Variants in KRT26 observed in about 807,000 individuals in gnomAD.
KRT26 encodes keratin, type I cytoskeletal 26.
KRT26 carries 45 observed loss-of-function variants against 46.1 expected under a neutral mutation model. The observed-to-expected ratio is 0.98, with a 90% CI of 0.77 to 1.25. KRT26 has a LOEUF of 1.25. KRT26 is among the 50% of genes most tolerant of loss of function. KRT26 has a pLI of 0.00. For synonymous variants in KRT26, 191 were observed against 209.9 expected (o/e 0.91, Z 0.78); for missense variants, 582 against 560.1 (o/e 1.04, Z -0.39).
At chr17:40,767,318 T>C (rs564954445) in intron 7 of KRT26, among the ~76,000 whole-genome samples, 3 of 152,332 alleles carry the variant, frequency 2.0e-5, no homozygotes, top group East Asian at 1.9e-4. Flanking sequence ...TATCAAAGTA[T>C]TGAAACTATG....
At chr17:40,766,380 C>T in exon 8 of KRT26, 1 of 652,488 alleles carries the variant, frequency 1.5e-6, no homozygotes, top group East Asian at 2.8e-5. Context: ...AGAACAAATT[C>T]TAGCCCTTTT....
chr17:40,770,600 T>G (rs554352892), intron 2 of KRT26, among the ~76,000 whole-genome samples, 191 bp from the exon 3 acceptor site: 106 of 152,354 alleles, frequency 7.0e-4, no homozygotes, highest in African/African-American at 2.5e-3. Flanking sequence ...TGTTATTTCT[T>G]CAGAGCTGAT....
At position 40,769,875 on chromosome 17, in the gene KRT26, G is replaced by C. The variant is rs1369771808; in HGVS notation, c.848C>G (p.Ala283Gly). 2.5e-6 allele frequency: 4 copies of C among 1,614,062 alleles called. No individual in the cohort carries two copies. In the Admixed American group the frequency reaches 5.0e-5, roughly 20 times the overall value. The change falls in exon 5 of 8, where the codon GCA becomes GGA. Residue 283 changes from alanine to glycine, a missense_variant. Physicochemically the swap from Ala to Gly is moderately conservative, Grantham distance 60. Transcript: ENST00000335552. ...ATCGGAAATCTGTTGTTGCAGCGTT[G>C]CACTCTGAAGTGTAATTGTCGAAAG...
rs753879420 is a variant in KRT26, at chr17:40,771,761, C to T, written c.353G>A (p.Trp118Ter). Residue 118 changes from tryptophan (W) to a stop codon, truncating the protein, a stop_gained, in exon 1 of 8, where the codon TGG becomes TAG. Coordinates refer to ENST00000335552, the Ensembl canonical transcript of KRT26. LOFTEE classifies it high-confidence loss of function. ...AGAGCCAGGCTCACATTTCTCGTAC[C>T]AGCCCTTGATCTTCTGCTCCAGGTC... 1.2e-6 allele frequency: 2 copies of T among 1,614,152 alleles called. No individual in the cohort carries two copies. Among genetic ancestry groups the T allele is most frequent in the East Asian group, 4.5e-5 (2 of 44,876 alleles).
exon 1 of KRT26, chr17:40,772,127 C>G: frequency 6.2e-7 from 1 of 1,609,018 alleles, no homozygotes; most frequent in African/African-American, 1.3e-5. Context: ...GGCAGCACAG[C>G]CGGGCAACCC....
At chr17:40,766,707 C>G (rs1349408805) in intron 7 of KRT26, 41 bp from the exon 8 acceptor site, 3 of 1,487,072 alleles carry the variant, frequency 2.0e-6, no homozygotes, top group Non-Finnish European at 2.8e-6. Flanking sequence ...CATTTTTTAA[C>G]AGGTTGAAAA....
In KRT26 at chr17:40,770,100, GT is replaced by G. The variant is rs1484581146; in HGVS notation, c.703del (p.Thr235GlnfsTer6). 1 of 1,614,152 alleles carries G rather than the reference GT, an allele frequency of 6.2e-7. No individual in the cohort carries two copies. Among genetic ancestry groups the G allele is most frequent in the African/African-American group, 1.3e-5 (1 of 75,026 alleles). Reference sequence around the variant, plus strand: ...CTCCACGTTCACGTTCCCCCCAGCTGTATATTGCAAGACTTCCATTTCCTAG... The same window carrying G: ...CTCCACGTTCACGTTCCCCCCAGCTGATATTGCAAGACTTCCATTTCCTAG... On this transcript the variant is annotated frameshift_variant, in exon 4 of 8. Coordinates refer to ENST00000335552, the Ensembl canonical transcript of KRT26. LOFTEE classifies it high-confidence loss of function.
At chr17:40,766,488 C>A (rs774949733) in exon 8 of KRT26, 1 of 1,515,322 alleles carries the variant, frequency 6.6e-7, no homozygotes, top group Non-Finnish European at 8.9e-7. Flanking sequence ...CTCTTTCTTT[C>A]TTTCTTTCCA....
chr17:40,767,610 C>T (rs1395753068), exon 7 of KRT26: 1 of 1,605,814 alleles, frequency 6.2e-7, no homozygotes, highest in South Asian at 1.1e-5. Flanking sequence ...CCAGAATTCA[C>T]AGGCCTGTAT....
exon 8 of KRT26, chr17:40,766,636 A>G (rs770554752): frequency 6.2e-7 from 1 of 1,612,690 alleles, no homozygotes; most frequent in South Asian, 1.1e-5. Flanking sequence ...TTCCTCAACC[A>G]CTGTTTTAAC....
chr17:40,771,671 A>G lies in KRT26; in HGVS notation c.441+2T>C, dbSNP rs199619772. ...AAAAGTATGCAAATCCCTATTTCTT[A>G]CCTGCCTTTTAAGATCTTCTATGAC... On this transcript the variant is annotated splice_donor_variant, in intron 1 of 7. Transcript: ENST00000335552. LOFTEE classifies it high-confidence loss of function. 1.1e-4 allele frequency: 178 copies of G among 1,603,110 alleles called. No individual in the cohort carries two copies. The East Asian group carries it at 3.9e-3, about 35-fold the overall frequency.
exon 8 of KRT26, chr17:40,766,590 G>C: frequency 6.2e-7 from 1 of 1,607,620 alleles, no homozygotes; most frequent in South Asian, 1.1e-5. Flanking sequence ...CAACTGAGTG[G>C]ACTCTCAGTG....
At chr17:40,770,095 C>T (rs1051188960) in exon 4 of KRT26, 1 of 1,614,222 alleles carries the variant, frequency 6.2e-7, no homozygotes, top group South Asian at 1.1e-5. Context: ...ACGTTCCCCC[C>T]AGCTGTATAT....
exon 1 of KRT26, chr17:40,772,007 C>T (rs1449846823): frequency 6.2e-7 from 1 of 1,614,136 alleles, no homozygotes; most frequent in South Asian, 1.1e-5. Flanking sequence ...TGCTCCCGAT[C>T]CAACACACAC....
chr17:40,769,649 C>T, intron 5 of KRT26, 105 bp downstream of exon 5: 1 of 1,153,540 alleles, frequency 8.7e-7, no homozygotes, highest in Non-Finnish European at 1.3e-6. Flanking sequence ...TACTTTTAGT[C>T]ATATGTAAAT....
At chr17:40,766,730 G>A in intron 7 of KRT26, 64 bp from the exon 8 acceptor site, 4 of 1,204,560 alleles carry the variant, frequency 3.3e-6, no homozygotes, top group East Asian at 2.4e-5. Context: ...AGCCATAATA[G>A]GTATGCTTTT....
At chr17:40,772,129 G>A (rs1159980983) in exon 1 of KRT26, 3 of 1,608,770 alleles carry the variant, frequency 1.9e-6, no homozygotes, top group Non-Finnish European at 2.6e-6. Flanking sequence ...CAGCACAGCC[G>A]GGCAACCCCT....
intron 6 of KRT26, among the ~76,000 whole-genome samples, chr17:40,768,559 G>A (rs992014854): frequency 6.6e-6 from 1 of 152,180 alleles, no homozygotes. Context: ...AAGAGAATGA[G>A]TTATTTATAA....
exon 3 of KRT26, chr17:40,770,312 C>T (rs757924736): frequency 1.9e-6 from 3 of 1,614,126 alleles, no homozygotes; most frequent in East Asian, 2.2e-5. Context: ...CACTGTATCT[C>T]CAGGTCGGTT....
Sources: gnomAD v4.1 joint callset for allele counts (sites outside exome capture counted in the v4.1 genomes callset) on GRCh38, gnomAD v4.1.1 for gene constraint, MANE v1.5 for transcripts, NCBI Gene and HGNC (gene_info 2026-07-23, HGNC 2026-07-21) for gene names.